ADAM18: variants seen among roughly 807,000 people sequenced by gnomAD.
ADAM18 encodes disintegrin and metalloproteinase domain-containing protein 18.
ADAM18 carries 117 observed loss-of-function variants against 94.4 expected under a neutral mutation model. That is an observed-to-expected ratio of 1.24 (90% CI 1.07 to 1.45). The LOEUF (loss-of-function observed/expected upper bound fraction) is 1.45, where lower values mean the gene tolerates loss of function less well. ADAM18 is among the 40% of genes most tolerant of loss of function. The pLI is 0.00. For synonymous variants in ADAM18, 327 were observed against 291.6 expected, an observed-to-expected ratio of 1.12 and a Z score of -1.24; for missense variants, 936 against 880.0, an observed-to-expected ratio of 1.06 and a Z score of -0.81.
intron 16 of ADAM18, among the ~76,000 whole-genome samples, 174 bp from the exon 17 acceptor site, chr8:39,692,418 GATTTTTGT>G (rs1483129138): frequency 6.6e-6 from 1 of 151,472 alleles, no homozygotes; most frequent in Non-Finnish European, 1.5e-5. Flanking sequence ...TTGTTGTTTA[GATTTTTGT>G]ATTTTTGTAT....
At chr8:39,724,333 T>C (rs912969907) in intron 19 of ADAM18, among the ~76,000 whole-genome samples, 3 of 151,864 alleles carry the variant, frequency 2.0e-5, no homozygotes, top group Non-Finnish European at 4.4e-5. Flanking sequence ...TTCTTCAAAA[T>C]TGTATAATTT....
intron 2 of ADAM18, among the ~76,000 whole-genome samples, chr8:39,601,685 A>G (rs1255420065): frequency 5.9e-5 from 9 of 152,232 alleles, no homozygotes; most frequent in African/African-American, 2.2e-4. Context: ...AATAACGTAC[A>G]TAAGATAAAA....
rs557256082 is a variant in ADAM18, at chr8:39,657,801, G to A, written c.1231-5994G>A. 2.6e-4 allele frequency among the ~76,000 whole-genome samples: 40 copies of A among 152,174 alleles called. 2 individuals are homozygous for A. Among genetic ancestry groups the A allele is most frequent in the African/African-American group, 8.7e-4 (36 of 41,524 alleles). Reference sequence around the variant, plus strand: ...AAATTGTATTTTGAATGAAAAAGACGTGAAAGAACAAAGCCTTTATAGTCT... The same window carrying A: ...AAATTGTATTTTGAATGAAAAAGACATGAAAGAACAAAGCCTTTATAGTCT... On this transcript the variant is annotated intron_variant, in intron 12 of 19. Coordinates refer to ENST00000265707, the MANE Select transcript of ADAM18 (RefSeq NM_014237.3).
At chr8:39,609,692 C>T (rs1819207074) in intron 5 of ADAM18, 131 bp downstream of exon 5, 2 of 591,444 alleles carry the variant, frequency 3.4e-6, no homozygotes, top group Non-Finnish European at 5.8e-6. Context: ...TTTCTAACAG[C>T]TTTATTCTAT....
intron 6 of ADAM18, among the ~76,000 whole-genome samples, chr8:39,624,823 C>T (rs1396651921): frequency 6.6e-6 from 1 of 152,104 alleles, no homozygotes; most frequent in African/African-American, 2.4e-5. Context: ...TCTCCTGCTC[C>T]GTCCATGTAA....
Position 39,640,325 on chromosome 8 carries a change from C to A in ADAM18, c.909+1779C>A, listed in dbSNP as rs201240046. On this transcript the variant is annotated intron_variant, in intron 10 of 19. Transcript: ENST00000265707. Reference sequence around the variant, plus strand: ...ATTAGTTTGCTGAGGATAATGGCTTCCAGCTCCATCGATGTCCCTGCAAAG... The same window carrying A: ...ATTAGTTTGCTGAGGATAATGGCTTACAGCTCCATCGATGTCCCTGCAAAG... Among the ~76,000 whole-genome samples the A allele has an allele frequency of 4.6e-5, 7 of 152,150 alleles. No individual in the cohort carries two copies. The East Asian group carries it at 1.4e-3, about 29-fold the overall frequency.
chr8:39,616,953 C>T (rs921027309), intron 6 of ADAM18, among the ~76,000 whole-genome samples: 6 of 151,998 alleles, frequency 3.9e-5, no homozygotes, highest in African/African-American at 1.4e-4. Context: ...GAACATAGGC[C>T]GTAGCAAAGA....
At chr8:39,699,864 A>G (rs958019298) in intron 17 of ADAM18, among the ~76,000 whole-genome samples, 1 of 152,130 alleles carries the variant, frequency 6.6e-6, no homozygotes. Context: ...GAAATTTCTG[A>G]TATTTCCCAA....
At chr8:39,722,212 T>TGC (rs1586016657) in intron 18 of ADAM18, among the ~76,000 whole-genome samples, 1 of 69,656 alleles carries the variant, frequency 1.4e-5, no homozygotes, top group East Asian at 5.8e-4. Context: ...TGTGTGTGTG[T>TGC]GTGTGTATAT....
At chr8:39,650,732 T>C (rs569997687) in intron 12 of ADAM18, among the ~76,000 whole-genome samples, 5 of 152,326 alleles carry the variant, frequency 3.3e-5, no homozygotes, top group Middle Eastern at 3.4e-3. Context: ...ACATGTTCAA[T>C]GTAATCTCTA....
At position 39,667,994 on chromosome 8, in the gene ADAM18, C is replaced by G. The variant is rs1361997538; in HGVS notation, c.1327-4C>G. 1 of 1,612,358 alleles carries G rather than the reference C, an allele frequency of 6.2e-7. No homozygotes were observed. The highest frequency in any genetic ancestry group is 1.3e-5 in the African/African-American group (1 of 74,942). Reference sequence around the variant, plus strand: ...CTTAATTTTATTTTTCCTTTTCCTCCCAGTTGTCAATAGCAGGCACTCCAT... The same window carrying G: ...CTTAATTTTATTTTTCCTTTTCCTCGCAGTTGTCAATAGCAGGCACTCCAT... On this transcript the variant is annotated splice_region_variant and splice_polypyrimidine_tract_variant and intron_variant, in intron 13 of 19. Transcript: ENST00000265707.
At chr8:39,622,364 C>A (rs1413798509) in intron 6 of ADAM18, among the ~76,000 whole-genome samples, 1 of 150,228 alleles carries the variant, frequency 6.7e-6, no homozygotes, top group Non-Finnish European at 1.5e-5. Flanking sequence ...TGAAAATGTT[C>A]ACAATTTTAA....
rs1414378940 is a variant in ADAM18 at position 39,640,107 on chromosome 8, G to A, written c.909+1561G>A. Among the ~76,000 whole-genome samples, 5 of 152,138 alleles carry A rather than the reference G, an allele frequency of 3.3e-5. No homozygotes were observed. In the East Asian group the frequency reaches 9.7e-4, roughly 29 times the overall value. On this transcript the variant is annotated intron_variant, in intron 10 of 19. Transcript: ENST00000265707. ...TAAAAGTGTGCCATGCTGTTTAGCT[G>A]CACATATCATTCCATCACATAGATA...
At chr8:39,629,187 T>C (rs573799451) in intron 6 of ADAM18, among the ~76,000 whole-genome samples, 187 bp from the exon 7 acceptor site, 107 of 152,092 alleles carry the variant, frequency 7.0e-4, no homozygotes, top group African/African-American at 2.6e-3. Context: ...CTCTGGCAGG[T>C]TCATTGTAAA....
chr8:39,637,543 A>G lies in ADAM18; in HGVS notation c.667A>G (p.Thr223Ala). 1 of 1,608,350 alleles carries G rather than the reference A, an allele frequency of 6.2e-7. No homozygotes were observed. Among genetic ancestry groups the G allele is most frequent in the Non-Finnish European group, 8.5e-7 (1 of 1,177,328 alleles). Reference sequence around the variant, plus strand: ...CAATACATCTTATTTTTAGATGTTTACCCAGTTCAAATTGACTGTTATACT... The same window carrying G: ...CAATACATCTTATTTTTAGATGTTTGCCCAGTTCAAATTGACTGTTATACT... ...QVIGLVNTMFTQFKLTVILSS... is the reference protein window; with the variant it reads ...QVIGLVNTMFAQFKLTVILSS... Residue 223 changes from threonine (T) to alanine (A), a missense_variant, in exon 9 of 20, where the codon ACC becomes GCC. Transcript: ENST00000265707.
intron 10 of ADAM18, among the ~76,000 whole-genome samples, chr8:39,639,621 T>C (rs185888642): frequency 6.6e-6 from 1 of 152,186 alleles, no homozygotes; most frequent in East Asian, 1.9e-4. Context: ...GAATTGTGTC[T>C]TATTCCCTAA....
intron 17 of ADAM18, among the ~76,000 whole-genome samples, chr8:39,694,341 C>T (rs561090793): frequency 1.3e-5 from 2 of 151,344 alleles, no homozygotes; most frequent in Non-Finnish European, 3.0e-5. Context: ...TGACTTTACT[C>T]TATGATTTTC....
chr8:39,722,597 G>A (rs1379873231), intron 18 of ADAM18, among the ~76,000 whole-genome samples: 1 of 151,294 alleles, frequency 6.6e-6, no homozygotes, highest in Non-Finnish European at 1.5e-5. Context: ...TCCGATGATA[G>A]GTACACTAAA....
At chr8:39,615,966 C>CAAAA (rs570027658) in intron 6 of ADAM18, among the ~76,000 whole-genome samples, 1 of 151,264 alleles carries the variant, frequency 6.6e-6, no homozygotes, top group Non-Finnish European at 1.5e-5. Context: ...ACATTAGCCA[C>CAAAA]AAAAAAAATA....
Sources: gnomAD v4.1 joint callset for allele counts (sites outside exome capture counted in the v4.1 genomes callset) on GRCh38, gnomAD v4.1.1 for gene constraint, MANE v1.5 for transcripts, NCBI Gene and HGNC (gene_info 2026-07-23, HGNC 2026-07-21) for gene names.